The following KAZN variants were observed in gnomAD, a reference collection of about 807,000 sequenced individuals.
KAZN encodes kazrin.
In KAZN, 40 loss-of-function variants were observed where a neutral mutation model predicts 87.4. The ratio of observed to expected loss-of-function variants is 0.46; its 90% CI spans 0.36 to 0.60. The LOEUF is 0.60. Ranked by LOEUF, KAZN falls within the 20% of genes least tolerant of loss-of-function variation. KAZN has a pLI of 0.00. For synonymous variants in KAZN, 466 were observed against 458.3 expected, an observed-to-expected ratio of 1.02 and a Z score of -0.22; for missense variants, 898 against 1,073.9, an observed-to-expected ratio of 0.84 and a Z score of 2.29.
intron 2 of KAZN, among the ~76,000 whole-genome samples, chr1:14,485,770 G>A (rs1005242835): frequency 2.0e-5 from 3 of 151,904 alleles, no homozygotes; most frequent in African/African-American, 4.8e-5. Flanking sequence ...GTGCGTGCCT[G>A]TAGTCCCGGC....
chr1:14,042,183 GT>G (rs906786159), intron 1 of KAZN, among the ~76,000 whole-genome samples: 2 of 150,992 alleles, frequency 1.3e-5, no homozygotes, highest in South Asian at 2.1e-4. Flanking sequence ...TTTCTCTTCA[GT>G]TTTTTTTCCC....
intron 14 of KAZN, chr1:15,113,396 C>A (rs1260050402): frequency 1.3e-5 from 2 of 151,728 alleles, no homozygotes; most frequent in Non-Finnish European, 2.9e-5. Context: ...AGCAGGGGTG[C>A]AATTAGGAAA....
intron 1 of KAZN, among the ~76,000 whole-genome samples, chr1:14,918,707 AATATATATATATATATATATATATAT>A (rs201058383): frequency 1.6e-4 from 4 of 24,690 alleles, no homozygotes; most frequent in East Asian, 1.7e-3. Flanking sequence ...AAAAAAAAAA[AATATATATATATATATATATATATAT>A]ATATATATAT....
chr1:14,545,576 A>G (rs1427861520), intron 2 of KAZN, among the ~76,000 whole-genome samples: 1 of 152,190 alleles, frequency 6.6e-6, no homozygotes, highest in East Asian at 1.9e-4. Flanking sequence ...TTAGTGTATT[A>G]CCTGGCCTCT....
intron 1 of KAZN, among the ~76,000 whole-genome samples, chr1:14,720,205 A>G (rs1023746548): frequency 2.6e-5 from 4 of 152,244 alleles, no homozygotes; most frequent in African/African-American, 9.6e-5. Flanking sequence ...TGCCACCCTT[A>G]GCGCCTACTT....
intron 1 of KAZN, among the ~76,000 whole-genome samples, chr1:13,996,862 C>T (rs1476403169): frequency 6.6e-6 from 1 of 152,118 alleles, no homozygotes; most frequent in Non-Finnish European, 1.5e-5. Context: ...AGTCAAAGTA[C>T]TTTGTTAAAC....
intron 1 of KAZN, among the ~76,000 whole-genome samples, chr1:14,041,833 C>A (rs1357202819): frequency 1.3e-5 from 2 of 152,234 alleles, no homozygotes; most frequent in Non-Finnish European, 2.9e-5. Context: ...TTCACCCACA[C>A]CCCAATGGAT....
intron 2 of KAZN, among the ~76,000 whole-genome samples, chr1:14,546,645 C>T (rs1047524520): frequency 1.3e-5 from 2 of 152,126 alleles, no homozygotes; most frequent in African/African-American, 4.8e-5. Flanking sequence ...CACTAAACTG[C>T]TTTCTATTGA....
intron 3 of KAZN, among the ~76,000 whole-genome samples, chr1:15,039,084 A>T (rs1163448509): frequency 2.0e-5 from 3 of 151,616 alleles, no homozygotes; most frequent in Non-Finnish European, 4.4e-5. Context: ...GCAGACGTTT[A>T]TTGTGCACCT....
chr1:15,094,089 C>A lies in KAZN; in HGVS notation c.1223-91C>A. Reference sequence around the variant, plus strand: ...GAATACATGGAGGGGAGGATGTCCCCACCACCCTCTGCCTCCCGGGGGTAT... The same window carrying A: ...GAATACATGGAGGGGAGGATGTCCCAACCACCCTCTGCCTCCCGGGGGTAT... On this transcript the variant is annotated intron_variant, in intron 8 of 14. Coordinates refer to ENST00000376030, the MANE Select transcript of KAZN (RefSeq NM_201628.3). The surrounding 1 kb of genome is among the most constrained non-coding windows in gnomAD (Gnocchi z 4.5). 1 of 1,171,106 alleles carries A rather than the reference C, an allele frequency of 8.5e-7. No individual in the cohort carries two copies. 72.5% of individuals were successfully genotyped at this position (1,171,106 alleles called of 1,614,324 possible). A position where few individuals can be genotyped will look rare whatever the true frequency, so the allele number is the denominator to read the frequency against.
chr1:15,041,963 A>G (rs1193875869), intron 3 of KAZN, among the ~76,000 whole-genome samples: 1 of 152,204 alleles, frequency 6.6e-6, no homozygotes, highest in Admixed American at 6.5e-5. Flanking sequence ...TGAGATTTAA[A>G]TAATGCACCT....
intron 2 of KAZN, among the ~76,000 whole-genome samples, chr1:14,278,349 G>A (rs1238804468): frequency 4.1e-5 from 6 of 146,266 alleles, no homozygotes; most frequent in African/African-American, 1.5e-4. Flanking sequence ...GGAGTGCAGT[G>A]GTACAATCTC....
At position 15,096,902 on chromosome 1, in the gene KAZN, G is replaced by A. The variant is rs1640830880; in HGVS notation, c.1547+1969G>A. Among the ~76,000 whole-genome samples, 1 of 152,230 alleles carries A rather than the reference G, an allele frequency of 6.6e-6. No homozygotes were observed. The highest frequency in any genetic ancestry group is 2.4e-5 in the African/African-American group (1 of 41,460). ...TGAATTGGGTGGGGGGCATGGCAGA[G>A]GGAAACATTTAATCCCTAACAGTGG... On this transcript the variant is annotated intron_variant, in intron 10 of 14. Transcript: ENST00000376030. This position sits in a 1 kb window ranked among gnomAD's most constrained non-coding sequence, Gnocchi z 4.5.
At chr1:15,000,263 G>A (rs550401147) in intron 2 of KAZN, among the ~76,000 whole-genome samples, 2 of 151,036 alleles carry the variant, frequency 1.3e-5, no homozygotes, top group South Asian at 4.2e-4. Flanking sequence ...GGCTGGGAAA[G>A]GCAAGGAAAC....
chr1:14,488,862 T>C (rs989704398), intron 2 of KAZN, among the ~76,000 whole-genome samples: 1 of 152,216 alleles, frequency 6.6e-6, no homozygotes, highest in Non-Finnish European at 1.5e-5. Context: ...GCTTTCCAAT[T>C]TGGGGTCCAT....
At chr1:14,117,226 G>A (rs1383700689) in intron 1 of KAZN, among the ~76,000 whole-genome samples, 1 of 152,178 alleles carries the variant, frequency 6.6e-6, no homozygotes, top group African/African-American at 2.4e-5. Context: ...GTTTGGCTGT[G>A]TCCCCATCCA....
chr1:14,549,565 C>T (rs1673372519), intron 2 of KAZN, among the ~76,000 whole-genome samples: 1 of 151,634 alleles, frequency 6.6e-6, no homozygotes, highest in Admixed American at 6.6e-5. Flanking sequence ...GTAATGGACC[C>T]AAACTTACGA....
At chr1:14,526,322 G>T (rs139367067) in intron 2 of KAZN, among the ~76,000 whole-genome samples, 1 of 152,302 alleles carries the variant, frequency 6.6e-6, no homozygotes, top group East Asian at 1.9e-4. Context: ...CTTTGCAGCA[G>T]AGTCTGGGGC....
intron 1 of KAZN, among the ~76,000 whole-genome samples, chr1:14,720,903 G>T (rs1229478829): frequency 4.6e-5 from 7 of 152,050 alleles, no homozygotes; most frequent in Admixed American, 4.6e-4. Context: ...ATTTTTTTCT[G>T]CTGCCTCCCC....
Sources: gnomAD v4.1 joint callset for allele counts (sites outside exome capture counted in the v4.1 genomes callset) on GRCh38, gnomAD v4.1.1 for gene constraint, Gnocchi (gnomAD v3.1) non-coding constraint, MANE v1.5 for transcripts, NCBI Gene and HGNC (gene_info 2026-07-23, HGNC 2026-07-21) for gene names.